Variants in ITSN1 observed in about 807,000 individuals in gnomAD.
The protein encoded by ITSN1 is intersectin 1, also known as intersectin-1.
A neutral mutation model predicts 239.8 loss-of-function variants in ITSN1; 58 were observed. The ratio of observed to expected loss-of-function variants is 0.24; its 90% confidence interval spans 0.20 to 0.30. The LOEUF (loss-of-function observed/expected upper bound fraction) is 0.30, where lower values mean the gene tolerates loss of function less well. Ranked by LOEUF, ITSN1 falls within the 10% of genes least tolerant of loss-of-function variation. The probability of loss-of-function intolerance (pLI) is 1.00; values close to 1 mark genes in which losing one functional copy is unlikely to be tolerated. For synonymous variants in ITSN1, 780 were observed against 770.8 expected (o/e 1.01, Z -0.20); for missense variants, 1,558 against 2,103.3 (o/e 0.74, Z 5.07).
chr21:33,843,106 A>G (rs2074880825), intron 29 of ITSN1, among the ~76,000 whole-genome samples: 3 of 152,174 alleles, frequency 2.0e-5, no homozygotes, highest in Admixed American at 1.3e-4. Context: ...TAAGGCCTGC[A>G]CCTATACAGC....
rs10529259 is a variant in ITSN1, at chr21:33,877,059, C to CTTTTTT, written c.4341+1545_4341+1550dup. Among the ~76,000 whole-genome samples, 360 of 106,400 alleles carry CTTTTTT rather than the reference C, an allele frequency of 3.4e-3. 59 individuals carry two copies. The highest frequency in any genetic ancestry group is 9.2e-3 in the South Asian group (27 of 2,924). 69.8% of individuals were successfully genotyped at this position (106,400 alleles called of 152,430 possible). On this transcript the variant is annotated intron_variant, in intron 34 of 39. Coordinates refer to ENST00000381318, the MANE Select transcript of ITSN1 (RefSeq NM_003024.3). ...TCCTTAGAACTTTACCTGTGGGCAC[C>CTTTTTT]TTTTTTTTTTTTGAAATGGAGTCTC...
chr21:33,819,219 C>A, intron 23 of ITSN1, 22 bp from the exon 24 acceptor site: 2 of 1,544,356 alleles, frequency 1.3e-6, no homozygotes, highest in Non-Finnish European at 1.8e-6. Flanking sequence ...AATTAAAATA[C>A]TCTCTTCTTC....
chr21:33,846,143 A>C (rs932499000), intron 29 of ITSN1, among the ~76,000 whole-genome samples: 4 of 151,926 alleles, frequency 2.6e-5, no homozygotes, highest in African/African-American at 9.7e-5. Context: ...CCCAACCCAG[A>C]ACCTTCCCTC....
In ITSN1 at chr21:33,833,010, G is replaced by A. The variant is rs191496407; in HGVS notation, c.3352-1297G>A. On this transcript the variant is annotated intron_variant, in intron 27 of 39. Coordinates refer to ENST00000381318, the MANE Select transcript of ITSN1 (RefSeq NM_003024.3). Reference sequence around the variant, plus strand: ...ATCAGAGCCTTGTTTCTAGACGTGTGTGTGTGTATGTGTACGCATGTGTGT... The same window carrying A: ...ATCAGAGCCTTGTTTCTAGACGTGTATGTGTGTATGTGTACGCATGTGTGT... Among the ~76,000 whole-genome samples the A allele has an allele frequency of 1.8e-3, 275 of 152,040 alleles. 1 individual carries two copies. Among genetic ancestry groups the A allele is most frequent in the African/African-American group, 5.6e-3 (234 of 41,434 alleles).
At chr21:33,650,965 C>G (rs2088469135) in intron 1 of ITSN1, among the ~76,000 whole-genome samples, 1 of 152,212 alleles carries the variant, frequency 6.6e-6, no homozygotes, top group South Asian at 2.1e-4. Context: ...TAAATGATTA[C>G]AGGAGGAAGA....
At chr21:33,829,776 T>A in intron 27 of ITSN1, 31 bp downstream of exon 27, 1 of 1,612,320 alleles carries the variant, frequency 6.2e-7, no homozygotes, top group Non-Finnish European at 8.5e-7. Context: ...TTTACAATTC[T>A]CCATCCAAGT....
At chr21:33,756,497 C>G (rs1449342477) in intron 8 of ITSN1, among the ~76,000 whole-genome samples, 1 of 151,946 alleles carries the variant, frequency 6.6e-6, no homozygotes, top group East Asian at 1.9e-4. Flanking sequence ...AGAAATGATT[C>G]TTACTATTTT....
At chr21:33,712,959 C>T (rs950862656) in intron 1 of ITSN1, among the ~76,000 whole-genome samples, 3 of 151,824 alleles carry the variant, frequency 2.0e-5, no homozygotes, top group Non-Finnish European at 4.4e-5. Context: ...TTCACTGTAA[C>T]CTCTGCCTCC....
intron 8 of ITSN1, among the ~76,000 whole-genome samples, chr21:33,760,356 G>T (rs772495293): frequency 1.2e-4 from 18 of 152,134 alleles, no homozygotes; most frequent in Non-Finnish European, 1.5e-5. Context: ...TCTCTTTCAT[G>T]ACCTCCATAG....
rs571858542 is a variant in ITSN1 at position 33,881,291 on chromosome 21, CA to C, written c.4342-951del. Among the ~76,000 whole-genome samples, 46 of 151,936 alleles carry C rather than the reference CA, an allele frequency of 3.0e-4. No individual in the cohort carries two copies. The East Asian group carries it at 8.1e-3, about 27-fold the overall frequency. ...GCGTGGTCGCGAGCACCTGTAGTCC[CA>C]GCTACCCGGGAGGCTGAGGCAGGAG... On this transcript the variant is annotated intron_variant, in intron 34 of 39. Coordinates refer to ENST00000381318, the MANE Select transcript of ITSN1 (RefSeq NM_003024.3).
chr21:33,884,141 A>G (rs1985405451), intron 36 of ITSN1, among the ~76,000 whole-genome samples: 1 of 151,986 alleles, frequency 6.6e-6, no homozygotes, highest in South Asian at 2.1e-4. Flanking sequence ...GGCTCAAGGG[A>G]TCCACCCGCC....
At chr21:33,686,179 A>G (rs530336419) in intron 1 of ITSN1, among the ~76,000 whole-genome samples, 1 of 152,312 alleles carries the variant, frequency 6.6e-6, no homozygotes, top group East Asian at 1.9e-4. Flanking sequence ...AAACAGAAGT[A>G]ATTATATATT....
chr21:33,868,464 G>A (rs1468511701), intron 33 of ITSN1, among the ~76,000 whole-genome samples: 1 of 152,346 alleles, frequency 6.6e-6, no homozygotes, highest in African/African-American at 2.4e-5. Context: ...CCTGCCCCGC[G>A]GGAAGGCAGC....
At chr21:33,846,294 C>T (rs905642591) in intron 29 of ITSN1, among the ~76,000 whole-genome samples, 9 of 152,222 alleles carry the variant, frequency 5.9e-5, no homozygotes, top group Non-Finnish European at 1.2e-4. Context: ...TTCGCTGCCA[C>T]CTCTCCTGCT....
intron 29 of ITSN1, among the ~76,000 whole-genome samples, chr21:33,841,403 C>A (rs139871833): frequency 2.0e-5 from 3 of 152,210 alleles, no homozygotes; most frequent in African/African-American, 7.2e-5. Flanking sequence ...AAAAAAATGC[C>A]TATTGAATGA....
At chr21:33,857,741 CTG>C (rs1979633592) in intron 30 of ITSN1, among the ~76,000 whole-genome samples, 1 of 152,180 alleles carries the variant, frequency 6.6e-6, no homozygotes, top group Non-Finnish European at 1.5e-5. Context: ...AGGTGTTTGA[CTG>C]TTATTAAATA....
chr21:33,696,385 G>A (rs1045915510), intron 1 of ITSN1, among the ~76,000 whole-genome samples: 7 of 152,150 alleles, frequency 4.6e-5, no homozygotes, highest in Non-Finnish European at 8.8e-5. Context: ...ACTGGCAAAA[G>A]GACTCAGTTG....
intron 20 of ITSN1, among the ~76,000 whole-genome samples, chr21:33,804,310 T>G (rs565203546): frequency 1.0e-3 from 158 of 152,364 alleles, no homozygotes; most frequent in Non-Finnish European, 1.7e-3. Flanking sequence ...AACTATAATT[T>G]TTCATGTTTA....
chr21:33,646,968 A>G (rs2088010160), intron 1 of ITSN1, among the ~76,000 whole-genome samples: 1 of 151,980 alleles, frequency 6.6e-6, no homozygotes, highest in African/African-American at 2.4e-5. Flanking sequence ...CCTGGGTGAC[A>G]GAGCAAGGCC....
Sources: gnomAD v4.1 joint callset for allele counts (sites outside exome capture counted in the v4.1 genomes callset) on GRCh38, gnomAD v4.1.1 for gene constraint, MANE v1.5 for transcripts, NCBI Gene and HGNC (gene_info 2026-07-23, HGNC 2026-07-21) for gene names.